Variants in NCK2 observed in about 807,000 individuals in gnomAD.
The protein encoded by NCK2 is NCK adaptor protein 2.
A neutral mutation model predicts 33.9 loss-of-function variants in NCK2; 16 were observed. The observed-to-expected ratio is 0.47, with a 90% CI of 0.32 to 0.72. The LOEUF (loss-of-function observed/expected upper bound fraction) is 0.72. NCK2 is among the 30% of genes least tolerant of loss of function. The pLI, the probability that NCK2 is intolerant of heterozygous loss-of-function variation, is 0.03. For missense variants in NCK2, 418 were observed against 537.3 expected, an observed-to-expected ratio of 0.78 and a Z score of 2.19; for synonymous variants, 273 against 239.9, an observed-to-expected ratio of 1.14 and a Z score of -1.27.
At chr2:105,857,112 A>G (rs2104589739) in intron 3 of NCK2, 1 of 151,824 alleles carries the variant, frequency 6.6e-6, no homozygotes, top group South Asian at 2.1e-4. Flanking sequence ...AGAACAAGGC[A>G]AGGCGAGTTC....
chr2:105,884,232 T>C (rs969896101), intron 4 of NCK2, among the ~76,000 whole-genome samples: 1 of 106,956 alleles, frequency 9.3e-6, no homozygotes, highest in African/African-American at 2.7e-5. Context: ...CCTTTGCTTG[T>C]TTTTTTCCCA....
chr2:105,839,411 C>G (rs969492662), intron 2 of NCK2, among the ~76,000 whole-genome samples: 9 of 152,038 alleles, frequency 5.9e-5, no homozygotes, highest in Non-Finnish European at 1.3e-4. Context: ...AGGGGTGGAT[C>G]TGAGGCATAT....
At chr2:105,812,055 A>G (rs571341708) in intron 1 of NCK2, among the ~76,000 whole-genome samples, 7 of 152,328 alleles carry the variant, frequency 4.6e-5, no homozygotes, top group Admixed American at 4.6e-4. Context: ...GTTTTCATTA[A>G]TCAGCTTCTA....
intron 1 of NCK2, among the ~76,000 whole-genome samples, chr2:105,790,503 T>A (rs1022780480): frequency 2.0e-5 from 3 of 152,236 alleles, no homozygotes; most frequent in African/African-American, 4.8e-5. Flanking sequence ...GCCCCATTTC[T>A]TGTTACCTCA....
At chr2:105,821,385 C>T (rs1407587569) in intron 2 of NCK2, among the ~76,000 whole-genome samples, 1 of 152,144 alleles carries the variant, frequency 6.6e-6, no homozygotes, top group Non-Finnish European at 1.5e-5. Context: ...GGAGTTTCCG[C>T]CCAAATAAAT....
intron 3 of NCK2, among the ~76,000 whole-genome samples, chr2:105,878,820 C>T (rs915161001): frequency 3.3e-5 from 5 of 152,142 alleles, no homozygotes; most frequent in Non-Finnish European, 5.9e-5. Flanking sequence ...GTAAAATTTC[C>T]GCTGCATGCT....
At chr2:105,825,488 A>G (rs924823258) in intron 2 of NCK2, among the ~76,000 whole-genome samples, 3 of 152,250 alleles carry the variant, frequency 2.0e-5, no homozygotes, top group Non-Finnish European at 4.4e-5. Context: ...TGGGCACTGC[A>G]GCGCTTTGGA....
In NCK2 at chr2:105,893,412, A is replaced by T. The variant is rs553628216; in HGVS notation, c.*236A>T. ...GGGAGGAGCAGGGCGAGTTCACATT[A>T]TTCCTTTTCCATCGGAAGTGGCGCT... On this transcript the variant is annotated 3_prime_UTR_variant, in exon 5 of 5. Transcript: ENST00000233154. The T allele has an allele frequency of 5.3e-5, 25 of 473,004 alleles. No homozygotes were observed. In the South Asian group the frequency reaches 6.0e-4, roughly 11 times the overall value. The allele number at this position is 473,004 out of a possible 1,614,324, so 29.3% of individuals were successfully genotyped here.
intron 1 of NCK2, among the ~76,000 whole-genome samples, chr2:105,748,542 C>T (rs1689360835): frequency 6.6e-6 from 1 of 152,096 alleles, no homozygotes; most frequent in Non-Finnish European, 1.5e-5. Flanking sequence ...GCTGGGACTA[C>T]GGGTGTGCAC....
At chr2:105,880,901 T>C (rs1289605688) in intron 3 of NCK2, among the ~76,000 whole-genome samples, 1 of 149,800 alleles carries the variant, frequency 6.7e-6, no homozygotes, top group Non-Finnish European at 1.5e-5. Flanking sequence ...GCCTCTCCAG[T>C]AGCTGGGGCC....
intron 2 of NCK2, among the ~76,000 whole-genome samples, chr2:105,845,904 G>A (rs1321076605): frequency 1.3e-5 from 2 of 152,066 alleles, no homozygotes; most frequent in Non-Finnish European, 2.9e-5. Flanking sequence ...ATTTTCATAC[G>A]TGGGTATTTT....
chr2:105,795,186 T>C (rs1277198833), intron 1 of NCK2, among the ~76,000 whole-genome samples: 2 of 152,236 alleles, frequency 1.3e-5, no homozygotes, highest in African/African-American at 4.8e-5. Flanking sequence ...GTCCAGGGTT[T>C]ATATTTGGGT....
At chr2:105,852,240 C>T (rs1050232400) in intron 2 of NCK2, among the ~76,000 whole-genome samples, 1 of 152,142 alleles carries the variant, frequency 6.6e-6, no homozygotes, top group African/African-American at 2.4e-5. Context: ...CAAGATTAAA[C>T]GCCTTGGCAT....
intron 2 of NCK2, among the ~76,000 whole-genome samples, chr2:105,817,616 A>T (rs1231967885): frequency 1.3e-5 from 2 of 152,192 alleles, no homozygotes; most frequent in African/African-American, 4.8e-5. Flanking sequence ...CAAGTGGGCA[A>T]AGGATATGAA....
chr2:105,842,565 T>A (rs1195368852), intron 2 of NCK2, among the ~76,000 whole-genome samples: 1 of 152,230 alleles, frequency 6.6e-6, no homozygotes, highest in African/African-American at 2.4e-5. Context: ...TGTTTAAATT[T>A]CCCCTTGGTC....
intron 3 of NCK2, among the ~76,000 whole-genome samples, chr2:105,870,351 G>A (rs545650256): frequency 2.6e-5 from 4 of 152,218 alleles, no homozygotes; most frequent in Admixed American, 6.5e-5. Context: ...TCCCTTCTGT[G>A]GCATGAGGCT....
chr2:105,746,678 G>A (rs1689298445), intron 1 of NCK2, among the ~76,000 whole-genome samples: 1 of 152,228 alleles, frequency 6.6e-6, no homozygotes, highest in South Asian at 2.1e-4. Context: ...TAGACATGGA[G>A]GTTTTTTGAC....
intron 3 of NCK2, 92 bp from the exon 4 acceptor site, chr2:105,881,236 C>T (rs1479298607): frequency 8.1e-6 from 12 of 1,485,854 alleles, no homozygotes; most frequent in African/African-American, 4.2e-5. Flanking sequence ...TGTATTTAAC[C>T]GCCAGAGAAA....
intron 1 of NCK2, among the ~76,000 whole-genome samples, chr2:105,797,690 G>T (rs770096907): frequency 2.0e-4 from 30 of 152,198 alleles, no homozygotes; most frequent in Non-Finnish European, 2.1e-4. Flanking sequence ...GAGCCTCCCT[G>T]TTTAGGCTTA....
Sources: allele counts gnomAD v4.1 joint callset (sites outside exome capture counted in the v4.1 genomes callset), GRCh38; gene constraint gnomAD v4.1.1; transcripts MANE v1.5; gene names NCBI Gene and HGNC (gene_info 2026-07-23, HGNC 2026-07-21).